Variants in CPEB2 observed in about 807,000 individuals in gnomAD.
The protein encoded by CPEB2 is cytoplasmic polyadenylation element binding protein 2.
CPEB2 carries 56 observed loss-of-function variants against 93.6 expected under a neutral mutation model. The observed-to-expected ratio is 0.60, with a 90% CI of 0.48 to 0.75. CPEB2 has a LOEUF of 0.75. Among genes scored for constraint, CPEB2 ranks in the 30% least tolerant of loss-of-function variants. CPEB2 has a pLI of 0.00. For synonymous variants in CPEB2, 764 were observed against 586.3 expected (o/e 1.30, Z -4.38); for missense variants, 1,579 against 1,395.1 (o/e 1.13, Z -2.10).
In CPEB2 at chr4:15,003,254, A is replaced by AGCGGCC. The variant is rs1553848756; in HGVS notation, c.583_584insGGCCGC (p.Lys194_Pro195insArgPro). ...CACCTTCCCCACCCTCCGGACTCGAAGCCGCCGCCGCCGCCTCCGCCGCTC... is the reference window on the plus strand; with the variant it reads ...CACCTTCCCCACCCTCCGGACTCGAAGCGGCCGCCGCCGCCGCCGCCTCCGCCGCTC... On this transcript the variant is annotated inframe_insertion, in exon 1 of 12. Transcript: ENST00000538197. 2 of 1,520,958 alleles carry AGCGGCC rather than the reference A, an allele frequency of 1.3e-6. No homozygotes were observed. The highest frequency in any genetic ancestry group is 2.8e-5 in the African/African-American group (2 of 70,438). 94.2% of individuals were successfully genotyped at this position (1,520,958 alleles called of 1,614,324 possible). A position where few individuals can be genotyped will look rare whatever the true frequency, so the allele number is the denominator to read the frequency against.
At chr4:15,058,319 T>A in intron 8 of CPEB2, 102 bp from the exon 9 acceptor site, 1 of 695,380 alleles carries the variant, frequency 1.4e-6, no homozygotes, top group Non-Finnish European at 2.5e-6. Flanking sequence ...ATTTGATAGT[T>A]TGTTTTTTTT....
At chr4:15,060,719 A>T (rs906945893) in intron 10 of CPEB2, among the ~76,000 whole-genome samples, 1 of 152,050 alleles carries the variant, frequency 6.6e-6, no homozygotes, top group Admixed American at 6.6e-5. Flanking sequence ...TATATGGTAT[A>T]TTTTTTTATG....
intron 8 of CPEB2, among the ~76,000 whole-genome samples, chr4:15,054,688 C>T (rs1174814473): frequency 1.3e-5 from 2 of 151,842 alleles, no homozygotes; most frequent in Non-Finnish European, 2.9e-5. Context: ...AGGAAGACAC[C>T]GTGGCTGATC....
chr4:15,008,178 A>G (rs1342075903), intron 2 of CPEB2, among the ~76,000 whole-genome samples, 160 bp from the exon 3 acceptor site: 1 of 152,086 alleles, frequency 6.6e-6, no homozygotes, highest in African/African-American at 2.4e-5. Flanking sequence ...GGCTATTGCA[A>G]GTGAGGTTTT....
At position 15,002,801 on chromosome 4, in the gene CPEB2, C is replaced by T. The variant is rs1046187927; in HGVS notation, c.128C>T (p.Thr43Met). ...VGSVNPLPSA[T>M]PFGPLSPPPL... ...TCCGTCAACCCGCTGCCCTCCGCCA[C>T]GCCCTTCGGCCCACTGTCGCCACCA... Residue 43 changes from threonine (T) to methionine (M), a missense_variant, in exon 1 of 12, where the codon ACG becomes ATG. By Grantham distance (81) the Thr-to-Met change is moderately conservative (BLOSUM62 -1). Coordinates refer to ENST00000538197, the MANE Select transcript of CPEB2 (RefSeq NM_001177382.2). 1 of 1,535,432 alleles carries T rather than the reference C, an allele frequency of 6.5e-7. No homozygotes were observed. The highest frequency in any genetic ancestry group is 8.7e-7 in the Non-Finnish European group (1 of 1,146,676).
At chr4:15,032,506 C>G (rs186523793) in intron 4 of CPEB2, among the ~76,000 whole-genome samples, 2 of 152,146 alleles carry the variant, frequency 1.3e-5, no homozygotes, top group African/African-American at 2.4e-5. Flanking sequence ...AAAAAACTTT[C>G]GAATGAAGAA....
At chr4:15,058,096 G>A (rs1479530037) in intron 8 of CPEB2, among the ~76,000 whole-genome samples, 2 of 152,144 alleles carry the variant, frequency 1.3e-5, no homozygotes, top group East Asian at 3.9e-4. Flanking sequence ...CTATGAGACT[G>A]ACTTTGGTGG....
chr4:15,004,980 C>T (rs939378046), intron 1 of CPEB2: 12 of 152,314 alleles, frequency 7.9e-5, no homozygotes, highest in East Asian at 5.8e-4. Flanking sequence ...GTGATCTCGC[C>T]TTGAAGCCTC....
chr4:15,004,382 G>A, intron 1 of CPEB2, 47 bp downstream of exon 1: 1 of 1,348,298 alleles, frequency 7.4e-7, no homozygotes, highest in South Asian at 1.5e-5. Flanking sequence ...GGGAGACCAT[G>A]GGCGGGGGAC....
intron 6 of CPEB2, among the ~76,000 whole-genome samples, chr4:15,047,199 G>T (rs1362219809): frequency 6.6e-6 from 1 of 152,130 alleles, no homozygotes; most frequent in African/African-American, 2.4e-5. Flanking sequence ...ACTTGGTAGT[G>T]TAAATCCTCC....
At chr4:15,053,980 T>C in intron 7 of CPEB2, 148 bp from the exon 8 acceptor site, 1 of 544,268 alleles carries the variant, frequency 1.8e-6, no homozygotes, top group Non-Finnish European at 3.2e-6. Context: ...TTAATAAGTA[T>C]ATTAGACATA....
Position 15,003,041 on chromosome 4 carries a change from C to A in CPEB2, c.368C>A (p.Pro123His). The change falls in exon 1 of 12, where the codon CCC becomes CAC. Residue 123 changes from proline to histidine, a missense_variant. This residue lies in a region of CPEB2 where 1,411 missense variants were observed against 1,056.0 expected (regional missense o/e 1.34). Coordinates refer to ENST00000538197, the MANE Select transcript of CPEB2 (RefSeq NM_001177382.2). ...AATEKLPDHH[P>H]GGGTIAGVTH... ...ACGGAGAAACTCCCCGACCACCACC[C>A]CGGCGGCGGCACGATCGCGGGTGTG... 1 of 1,510,066 alleles carries A rather than the reference C, an allele frequency of 6.6e-7. No homozygotes were observed. Among genetic ancestry groups the A allele is most frequent in the South Asian group, 1.2e-5 (1 of 80,756 alleles). 93.5% of individuals were successfully genotyped at this position (1,510,066 alleles called of 1,614,324 possible).
In CPEB2 at chr4:15,033,221, AT is replaced by A. The variant is rs1560235082; in HGVS notation, c.2176+11del. The A allele has an allele frequency of 5.8e-6, 9 of 1,540,006 alleles. No homozygotes were observed. In the South Asian group the frequency reaches 6.8e-5, roughly 12 times the overall value. On this transcript the variant is annotated intron_variant, in intron 5 of 11. Transcript: ENST00000538197. Reference sequence around the variant, plus strand: ...CTGTTGATGTTAAATGGTAAGTTTTATAAAAACATTTTATGTTTCCAGTTGA... The same window carrying A: ...CTGTTGATGTTAAATGGTAAGTTTTAAAAAACATTTTATGTTTCCAGTTGA...
At chr4:15,029,891 C>T (rs1304973726) in intron 4 of CPEB2, among the ~76,000 whole-genome samples, 3 of 152,112 alleles carry the variant, frequency 2.0e-5, no homozygotes, top group Admixed American at 6.6e-5. Flanking sequence ...TTTAAGGATA[C>T]AGTACTTCCC....
chr4:15,058,356 G>T, intron 8 of CPEB2, 65 bp from the exon 9 acceptor site: 8 of 837,862 alleles, frequency 9.5e-6, no homozygotes, highest in African/African-American at 1.7e-5. Flanking sequence ...TTTCTAAATA[G>T]TACTGAAATT....
chr4:15,003,819 CT>C lies in CPEB2; in HGVS notation c.1147del (p.Trp383GlyfsTer75). On this transcript the variant is annotated frameshift_variant, in exon 1 of 12. Transcript: ENST00000538197. LOFTEE classifies it high-confidence loss of function. Reference sequence around the variant, plus strand: ...CGCCGCTGCCCGGCTTCGGCACCCCCTGGTCGGTGCAGACCGCGTCGCCGCC... The same window carrying C: ...CGCCGCTGCCCGGCTTCGGCACCCCCGGTCGGTGCAGACCGCGTCGCCGCC... ...PPPLPGFGTP[W>X]SVQTASPPPQ... The C allele has an allele frequency of 1.0e-6, 1 of 985,228 alleles. No individual in the cohort carries two copies. Among genetic ancestry groups the C allele is most frequent in the South Asian group, 3.6e-5 (1 of 27,682 alleles). 61.0% of individuals were successfully genotyped at this position (985,228 alleles called of 1,614,324 possible).
chr4:15,066,047 G>A (rs1729679069), intron 11 of CPEB2, 106 bp from the exon 12 acceptor site: 1 of 942,336 alleles, frequency 1.1e-6, no homozygotes, highest in East Asian at 2.4e-5. Context: ...CATTTCCTCA[G>A]CTTTTAATGC....
chr4:15,003,382 A>C lies in CPEB2; in HGVS notation c.709A>C (p.Ser237Arg). Residue 237 changes from serine (S) to arginine (R), a missense_variant, in exon 1 of 12, where the codon AGC (serine) becomes CGC (arginine). Transcript: ENST00000538197. ...RQQQQPPQQF[S>R]LLHQQHLSPQ... ...GCAGCAACAGCCGCCGCAGCAGTTC[A>C]GCCTCCTGCATCAGCAGCACCTCTC... is the stretch of plus-strand genomic sequence containing the variant. 1.4e-6 allele frequency: 2 copies of C among 1,379,710 alleles called. No individual in the cohort carries two copies. Among genetic ancestry groups the C allele is most frequent in the Non-Finnish European group, 1.9e-6 (2 of 1,078,754 alleles). The allele number at this position is 1,379,710 out of a possible 1,614,324, so 85.5% of individuals were successfully genotyped here.
rs1195453499 is a variant in CPEB2 at position 15,069,737 on chromosome 4, T to C, written c.*3357T>C. The C allele has an allele frequency of 6.6e-6, 1 of 152,246 alleles. No individual in the cohort carries two copies. Among genetic ancestry groups the C allele is most frequent in the Non-Finnish European group, 1.5e-5 (1 of 67,832 alleles). The allele number at this position is 152,246 out of a possible 1,614,324, so 9.4% of individuals were successfully genotyped here. ...GAATTATTTTTGGAGCTGAAATCTT[T>C]GTAATATTAAAGCAACTAGTTTCTA... is the stretch of plus-strand genomic sequence containing the variant. On this transcript the variant is annotated 3_prime_UTR_variant, in exon 12 of 12. Coordinates refer to ENST00000538197, the MANE Select transcript of CPEB2 (RefSeq NM_001177382.2).
Sources: allele counts gnomAD v4.1 joint callset (sites outside exome capture counted in the v4.1 genomes callset), GRCh38; gene constraint gnomAD v4.1.1; regional missense constraint gnomAD v4.1.1; transcripts MANE v1.5; gene names NCBI Gene and HGNC (gene_info 2026-07-23, HGNC 2026-07-21).